RNF212: variants seen among roughly 807,000 people sequenced by gnomAD.
The protein encoded by RNF212 is probable E3 SUMO-protein ligase RNF212.
RNF212 carries 33 observed loss-of-function variants against 34.7 expected under a neutral mutation model. That is an observed-to-expected ratio of 0.95 (90% confidence interval 0.72 to 1.27). The LOEUF is 1.27. RNF212 is among the 50% of genes most tolerant of loss of function. The pLI is 0.00. For missense variants in RNF212, 377 were observed against 362.2 expected (o/e 1.04, Z -0.33); for synonymous variants, 140 against 136.1 (o/e 1.03, Z -0.20).
At chr4:1,081,667 T>C (rs774800811) in intron 5 of RNF212, 48 bp from the exon 6 acceptor site, 12 of 1,312,220 alleles carry the variant, frequency 9.1e-6, no homozygotes, top group Admixed American at 1.7e-5. Context: ...AAAACTGACT[T>C]CCCCCCAGGT....
At chr4:1,059,638 A>G (rs1346675901) in intron 3 of RNF212, among the ~76,000 whole-genome samples, 1 of 152,244 alleles carries the variant, frequency 6.6e-6, no homozygotes, top group Non-Finnish European at 1.5e-5. Flanking sequence ...TCTCTGGGGA[A>G]CTATGAGTGG....
At chr4:1,069,547 C>A (rs558522148), downstream of RNF212, among the ~76,000 whole-genome samples, 1 of 152,048 alleles carries the variant, frequency 6.6e-6, no homozygotes, top group African/African-American at 2.4e-5. Context: ...AGGAATCAGG[C>A]GACCAAGGTG....
At chr4:1,111,529 G>C (rs1332602720) in intron 1 of RNF212, among the ~76,000 whole-genome samples, 10 of 152,064 alleles carry the variant, frequency 6.6e-5, no homozygotes, top group Non-Finnish European at 2.9e-5. Flanking sequence ...GTGAAACCCT[G>C]TCCAGTTCTC....
chr4:1,113,639 C>T (rs926143719), upstream of RNF212: 4 of 497,964 alleles, frequency 8.0e-6, no homozygotes, highest in South Asian at 2.8e-5. Context: ...CGCGGGTTCT[C>T]CCGCAGCACC....
At chr4:1,057,338 G>T (rs1359872959) in intron 4 of RNF212, among the ~76,000 whole-genome samples, 1 of 152,062 alleles carries the variant, frequency 6.6e-6, no homozygotes, top group African/African-American at 2.4e-5. Context: ...ACATGGGAGG[G>T]TCTGCCTTTT....
chr4:1,108,243 C>G, intron 2 of RNF212, 100 bp downstream of exon 2: 1 of 717,124 alleles, frequency 1.4e-6, no homozygotes, highest in Non-Finnish European at 2.3e-6. Context: ...AGCAAAGTGA[C>G]TGAAAATTTT....
intron 2 of RNF212, chr4:1,100,223 C>T (rs1287575104): frequency 3.5e-6 from 1 of 289,488 alleles, no homozygotes; most frequent in Non-Finnish European, 6.8e-6. Flanking sequence ...AGCGTTAGGT[C>T]TTGTTTTGTG....
At chr4:1,077,023 T>A (rs921818122) in intron 8 of RNF212, among the ~76,000 whole-genome samples, 1 of 152,018 alleles carries the variant, frequency 6.6e-6, no homozygotes, top group Non-Finnish European at 1.5e-5. Flanking sequence ...AGGTCAGGAG[T>A]TCGAGACCAG....
chr4:1,089,022 G>A (rs758550889), intron 4 of RNF212, among the ~76,000 whole-genome samples: 9 of 152,240 alleles, frequency 5.9e-5, no homozygotes, highest in South Asian at 2.1e-4. Flanking sequence ...GGAAATGTGC[G>A]GTGGTTGTTC....
chr4:1,073,147 C>CA lies in RNF212; in HGVS notation c.620dup (p.Leu207PhefsTer3). On this transcript the variant is annotated frameshift_variant, in exon 10 of 10. Transcript: ENST00000433731. LOFTEE classifies it low-confidence loss of function (END_TRUNC). ...ACTCTCCGGGCACAGGGGGCTTAGA[C>CA]AAGGTCAACCATGGGATGAAACAGA... 1.2e-6 allele frequency: 2 copies of CA among 1,614,162 alleles called. No homozygotes were observed. Among genetic ancestry groups the CA allele is most frequent in the Non-Finnish European group, 8.5e-7 (1 of 1,180,024 alleles).
intron 8 of RNF212, among the ~76,000 whole-genome samples, chr4:1,075,180 G>T (rs1025175836): frequency 1.3e-5 from 2 of 152,204 alleles, no homozygotes; most frequent in African/African-American, 2.4e-5. Flanking sequence ...GGCTGTGTAC[G>T]CATCGGTGTG....
intron 4 of RNF212, among the ~76,000 whole-genome samples, chr4:1,087,613 A>G (rs930655325): frequency 6.7e-6 from 1 of 150,328 alleles, no homozygotes. Context: ...TAAAGGGGTG[A>G]CAGAATGGGG....
At chr4:1,102,118 G>A (rs962385439) in intron 2 of RNF212, among the ~76,000 whole-genome samples, 1 of 152,062 alleles carries the variant, frequency 6.6e-6, no homozygotes, top group Non-Finnish European at 1.5e-5. Context: ...ACAGAGGAAA[G>A]GTTGAAAATT....
In RNF212 at chr4:1,058,074, A is replaced by T. The variant is rs1717455235; in HGVS notation, n.220+247T>A. 2.1e-5 allele frequency among the ~76,000 whole-genome samples: 3 copies of T among 144,274 alleles called. No individual in the cohort carries two copies. In the South Asian group the frequency reaches 6.6e-4, roughly 32 times the overall value. 94.6% of individuals were successfully genotyped at this position (144,274 alleles called of 152,430 possible). On this transcript the variant is annotated intron_variant and non_coding_transcript_variant, in intron 4 of 4. Coordinates refer to the RNF212 transcript ENST00000503206. ...TGAGACTCCGGCTAAAAAAAAAAAAAGCAAACTCTAAAGTGGTATATACAA... is the reference window on the plus strand; with the variant it reads ...TGAGACTCCGGCTAAAAAAAAAAAATGCAAACTCTAAAGTGGTATATACAA...
chr4:1,085,872 C>T, intron 5 of RNF212, 24 bp downstream of exon 5: 1 of 1,593,284 alleles, frequency 6.3e-7, no homozygotes, highest in Non-Finnish European at 8.6e-7. Context: ...CGACTGCGCA[C>T]TCACGGGGGG....
In RNF212 at chr4:1,073,007, G is replaced by A. The variant is rs565256039; in HGVS notation, c.761C>T (p.Pro254Leu). The part of the protein sequence containing the change: ...HGELTNSKTL[P>L]IYAEVQRAVL... ...GGCCCTTTGTACCTCAGCATATATT[G>A]GAAGTGTTTTAGAGTTGGTGAGTTC... Residue 254 changes from proline to leucine, a missense_variant, in exon 10 of 10, where the codon CCA (proline) becomes CTA (leucine). Pro to Leu is a moderately conservative substitution (Grantham distance 98, BLOSUM62 -3). Transcript: ENST00000433731. 1.9e-6 allele frequency: 3 copies of A among 1,614,188 alleles called. No homozygotes were observed. The highest frequency in any genetic ancestry group is 2.7e-5 in the African/African-American group (2 of 75,034).
intron 2 of RNF212, among the ~76,000 whole-genome samples, chr4:1,106,065 G>A (rs1174101260): frequency 1.3e-5 from 2 of 152,220 alleles, no homozygotes; most frequent in Non-Finnish European, 2.9e-5. Flanking sequence ...TGGCTGCAGG[G>A]TGAAGAGGCT....
rs746772873 is a variant in RNF212 at position 1,071,879 on chromosome 4, C to T, written c.*995G>A. Reference sequence around the variant, plus strand: ...TTTGGCAATTTCTTTCAAAACTAAACACCCTCTCACCATCTGATCCAGCAT... The same window carrying T: ...TTTGGCAATTTCTTTCAAAACTAAATACCCTCTCACCATCTGATCCAGCAT... On this transcript the variant is annotated 3_prime_UTR_variant, in exon 10 of 10. Transcript: ENST00000433731. 3.3e-5 allele frequency: 5 copies of T among 152,202 alleles called. No homozygotes were observed. Among genetic ancestry groups the T allele is most frequent in the Non-Finnish European group, 5.9e-5 (4 of 68,036 alleles). The allele number at this position is 152,202 out of a possible 1,614,324, so 9.4% of individuals were successfully genotyped here. A position where few individuals can be genotyped will look rare whatever the true frequency, so the allele number is the denominator to read the frequency against.
chr4:1,100,608 C>T (rs1331650056), intron 2 of RNF212: 1 of 152,152 alleles, frequency 6.6e-6, no homozygotes, highest in East Asian at 1.9e-4. Context: ...GGGGTTTCTC[C>T]TTGTTAGCCA....
Sources: allele counts gnomAD v4.1 joint callset (sites outside exome capture counted in the v4.1 genomes callset), GRCh38; gene constraint gnomAD v4.1.1; transcripts MANE v1.5; gene names NCBI Gene and HGNC (gene_info 2026-07-23, HGNC 2026-07-21).